The following SPMAP2L variants were observed in gnomAD, a reference collection of about 807,000 sequenced individuals.
SPMAP2L encodes sperm microtubule associated protein 2 like.
At chr4:56,572,488 C>G in the SPMAP2L span, among the ~76,000 whole-genome samples, 1 of 152,216 alleles carries the variant, frequency 6.6e-6, no homozygotes, top group African/African-American at 2.4e-5. Flanking sequence ...TCTCCACTCT[C>G]TCCTAGTGAG....
the SPMAP2L span, chr4:56,593,128 G>C: frequency 6.3e-7 from 1 of 1,579,782 alleles, no homozygotes; most frequent in Non-Finnish European, 8.7e-7. Context: ...ACTCAGGATG[G>C]ATCACCCAGT....
At chr4:56,551,963 G>A in the SPMAP2L span, among the ~76,000 whole-genome samples, 2 of 152,100 alleles carry the variant, frequency 1.3e-5, no homozygotes, top group African/African-American at 2.4e-5. Context: ...GAAATTAGAC[G>A]TGACAGTTAT....
the SPMAP2L span, among the ~76,000 whole-genome samples, chr4:56,592,006 A>G: frequency 3.3e-5 from 5 of 152,204 alleles, no homozygotes; most frequent in African/African-American, 1.2e-4. Context: ...CTGTGGACCA[A>G]TACCGGTCCG....
the SPMAP2L span, among the ~76,000 whole-genome samples, chr4:56,587,803 T>A: frequency 6.6e-6 from 1 of 152,190 alleles, no homozygotes; most frequent in Non-Finnish European, 1.5e-5. Context: ...CTTTTTCAAA[T>A]AAGGGCTTCT....
the SPMAP2L span, among the ~76,000 whole-genome samples, chr4:56,554,257 T>A: frequency 3.9e-5 from 6 of 152,246 alleles, no homozygotes; most frequent in Non-Finnish European, 7.3e-5. Flanking sequence ...TGTAAGAAAC[T>A]ACTAAGCTCT....
At chr4:56,590,882 C>G in the SPMAP2L span, among the ~76,000 whole-genome samples, 1 of 152,180 alleles carries the variant, frequency 6.6e-6, no homozygotes, top group Non-Finnish European at 1.5e-5. Context: ...AAATGTTTAA[C>G]TAGTACTTTG....
the SPMAP2L span, among the ~76,000 whole-genome samples, chr4:56,604,102 G>T: frequency 1.3e-5 from 2 of 152,128 alleles, no homozygotes; most frequent in African/African-American, 4.8e-5. Flanking sequence ...TTTTACAGAT[G>T]AATGAGTTCT....
At chr4:56,550,866 C>T in the SPMAP2L span, among the ~76,000 whole-genome samples, 1 of 151,838 alleles carries the variant, frequency 6.6e-6, no homozygotes, top group African/African-American at 2.4e-5. Flanking sequence ...ACTCAGGAGG[C>T]TGAGTTTGGG....
the SPMAP2L span, among the ~76,000 whole-genome samples, chr4:56,614,530 T>A: frequency 8.5e-5 from 13 of 152,090 alleles, no homozygotes; most frequent in Non-Finnish European, 1.8e-4. Flanking sequence ...GGCACACAAC[T>A]GTAATCCCAG....
the SPMAP2L span, among the ~76,000 whole-genome samples, chr4:56,592,268 G>T: frequency 6.6e-6 from 1 of 152,314 alleles, no homozygotes; most frequent in East Asian, 1.9e-4. Flanking sequence ...TGGAAAAATT[G>T]TCTTCTGTGA....
the SPMAP2L span, among the ~76,000 whole-genome samples, chr4:56,550,640 A>G: frequency 2.6e-5 from 4 of 152,184 alleles, no homozygotes; most frequent in Non-Finnish European, 4.4e-5. Context: ...ATAAATTTTT[A>G]TACTTAAAAA....
chr4:56,531,258 G>C, the SPMAP2L span: 12 of 1,430,274 alleles, frequency 8.4e-6, no homozygotes, highest in Admixed American at 2.7e-5. Flanking sequence ...ATCTAGAACC[G>C]GGGGTCCTAA....
At chr4:56,576,999 T>G in the SPMAP2L span, among the ~76,000 whole-genome samples, 1 of 152,080 alleles carries the variant, frequency 6.6e-6, no homozygotes, top group African/African-American at 2.4e-5. Flanking sequence ...ACATCAGCTA[T>G]TTTATAATAC....
chr4:56,553,498 CTTT>C, the SPMAP2L span, among the ~76,000 whole-genome samples: 2 of 146,722 alleles, frequency 1.4e-5, no homozygotes, highest in Non-Finnish European at 1.5e-5. Context: ...TGTCCTATTG[CTTT>C]TTTTTTTTTA....
At chr4:56,599,055 A>G in the SPMAP2L span, among the ~76,000 whole-genome samples, 253 of 152,186 alleles carry the variant, frequency 1.7e-3, no homozygotes, top group African/African-American at 5.9e-3. Context: ...CCACTCCCCA[A>G]TGGAACTGTG....
chr4:56,568,536 A>G, the SPMAP2L span, among the ~76,000 whole-genome samples: 1 of 152,336 alleles, frequency 6.6e-6, no homozygotes, highest in African/African-American at 2.4e-5. Flanking sequence ...CATTTAAGGT[A>G]TATAATTTAG....
the SPMAP2L span, among the ~76,000 whole-genome samples, chr4:56,606,820 A>T: frequency 1.4e-4 from 22 of 152,294 alleles, no homozygotes; most frequent in African/African-American, 5.1e-4. Context: ...ATGTGATCAG[A>T]GTTGGCTTTT....
At chr4:56,576,318 A>G in the SPMAP2L span, among the ~76,000 whole-genome samples, 1 of 152,238 alleles carries the variant, frequency 6.6e-6, no homozygotes, top group East Asian at 1.9e-4. Context: ...TTTAGTTTAA[A>G]AAGAGAATAA....
chr4:56,624,127 T>A, the SPMAP2L span, among the ~76,000 whole-genome samples: 2 of 152,222 alleles, frequency 1.3e-5, no homozygotes, highest in African/African-American at 4.8e-5. Flanking sequence ...TGTTGGGAAC[T>A]GGAGCAAAGG....
Sources: allele counts gnomAD v4.1 joint callset (sites outside exome capture counted in the v4.1 genomes callset), GRCh38; gene constraint gnomAD v4.1.1; transcripts MANE v1.5; gene names NCBI Gene and HGNC (gene_info 2026-07-23, HGNC 2026-07-21).